Variants in PDE10A observed in about 807,000 individuals in gnomAD.
The protein encoded by PDE10A is cAMP and cAMP-inhibited cGMP 3',5'-cyclic phosphodiesterase 10A.
PDE10A carries 39 observed loss-of-function variants against 97.7 expected under a neutral mutation model. The observed-to-expected ratio is 0.40, with a 90% confidence interval of 0.31 to 0.52. PDE10A has a LOEUF of 0.52. Ranked by LOEUF, PDE10A falls within the 20% of genes least tolerant of loss-of-function variation. PDE10A has a pLI of 0.56. For missense variants in PDE10A, 731 were observed against 1,047.8 expected, an observed-to-expected ratio of 0.70 and a Z score of 4.17; for synonymous variants, 371 against 376.8, an observed-to-expected ratio of 0.98 and a Z score of 0.18.
chr6:165,870,099 G>A (rs748581845), intron 1 of PDE10A, among the ~76,000 whole-genome samples: 1 of 151,970 alleles, frequency 6.6e-6, no homozygotes, highest in Non-Finnish European at 1.5e-5. Context: ...AGACAAACAG[G>A]ACTATATAAA....
At chr6:165,955,327 C>T (rs1439060087) in intron 1 of PDE10A, among the ~76,000 whole-genome samples, 1 of 152,210 alleles carries the variant, frequency 6.6e-6, no homozygotes, top group African/African-American at 2.4e-5. Context: ...TCACTTGGAT[C>T]TTTGCGATAA....
intron 1 of PDE10A, among the ~76,000 whole-genome samples, chr6:165,616,446 T>C (rs918255810): frequency 6.6e-6 from 1 of 152,178 alleles, no homozygotes; most frequent in Non-Finnish European, 1.5e-5. Context: ...TTCCTTCAAG[T>C]AGCTGTCACT....
At chr6:165,808,597 G>T (rs976219556) in intron 1 of PDE10A, among the ~76,000 whole-genome samples, 1 of 152,188 alleles carries the variant, frequency 6.6e-6, no homozygotes, top group Non-Finnish European at 1.5e-5. Flanking sequence ...CTGGAATTAT[G>T]CTCTGTGGCG....
At chr6:165,968,548 T>C (rs1164471746) in intron 1 of PDE10A, among the ~76,000 whole-genome samples, 3 of 152,180 alleles carry the variant, frequency 2.0e-5, no homozygotes, top group Admixed American at 6.5e-5. Flanking sequence ...CTCCAAAATT[T>C]TCACCATGTG....
intron 1 of PDE10A, among the ~76,000 whole-genome samples, chr6:165,873,289 T>C (rs1020088949): frequency 6.6e-6 from 1 of 152,166 alleles, no homozygotes; most frequent in Non-Finnish European, 1.5e-5. Flanking sequence ...TCTCAACATA[T>C]CCAAAAACAA....
chr6:165,954,412 A>G (rs2128496051), intron 1 of PDE10A, among the ~76,000 whole-genome samples: 1 of 152,346 alleles, frequency 6.6e-6, no homozygotes, highest in Middle Eastern at 3.4e-3. Flanking sequence ...ACTCACATGG[A>G]CACTTGGTTT....
At chr6:165,422,010 G>C (rs1198312248) in intron 10 of PDE10A, among the ~76,000 whole-genome samples, 1 of 152,038 alleles carries the variant, frequency 6.6e-6, no homozygotes, top group Non-Finnish European at 1.5e-5. Context: ...GTTGCAGTGA[G>C]CAGAGATTGT....
Position 165,328,023 on chromosome 6 carries a change from G to T in PDE10A, c.*5002C>A, listed in dbSNP as rs1013405833. On this transcript the variant is annotated 3_prime_UTR_variant, in exon 22 of 22. Coordinates refer to ENST00000539869, the MANE Select transcript of PDE10A (RefSeq NM_001385079.1). ...ATCTTGTCTTCTCAGAAAGAATGAA[G>T]ATGCTGCATTTGTACAAATTTTGGT... is the stretch of plus-strand genomic sequence containing the variant. 2.6e-5 allele frequency: 4 copies of T among 152,204 alleles called. No individual in the cohort carries two copies. Among genetic ancestry groups the T allele is most frequent in the African/African-American group, 9.6e-5 (4 of 41,456 alleles). 9.4% of individuals were successfully genotyped at this position (152,204 alleles called of 1,614,324 possible). A position where few individuals can be genotyped will look rare whatever the true frequency, so the allele number is the denominator to read the frequency against.
chr6:165,896,474 C>T lies in PDE10A; in HGVS notation c.-615+91055G>A, dbSNP rs1455040759. Reference sequence around the variant, plus strand: ...GTTCAAGTGATTCTCATGCCTCAGCCTCCCAAGCAGCTGGGATTACAGGTG... The same window carrying T: ...GTTCAAGTGATTCTCATGCCTCAGCTTCCCAAGCAGCTGGGATTACAGGTG... On this transcript the variant is annotated intron_variant, in intron 1 of 19. Coordinates refer to the PDE10A transcript ENST00000366882. Among the ~76,000 whole-genome samples the T allele has an allele frequency of 2.6e-5, 4 of 151,506 alleles. No homozygotes were observed. In the East Asian group the frequency reaches 7.8e-4, roughly 29 times the overall value.
chr6:165,733,391 G>A (rs903440), intron 1 of PDE10A, among the ~76,000 whole-genome samples: 21,703 of 152,194 alleles, frequency 0.14, 1,791 homozygotes, highest in South Asian at 0.29. Flanking sequence ...GTAATTTGTG[G>A]TGTGATCCGA....
chr6:165,969,242 C>T (rs1390857027), intron 1 of PDE10A, among the ~76,000 whole-genome samples: 1 of 152,128 alleles, frequency 6.6e-6, no homozygotes, highest in Non-Finnish European at 1.5e-5. Context: ...TACAAATTAG[C>T]TTTCAAACTT....
intron 1 of PDE10A, among the ~76,000 whole-genome samples, chr6:165,708,170 C>T (rs1423965271): frequency 6.6e-6 from 1 of 152,180 alleles, no homozygotes; most frequent in Admixed American, 6.5e-5. Flanking sequence ...CAGGCACCTC[C>T]GGCGGCCACA....
At chr6:165,395,148 A>G (rs1786062591) in intron 15 of PDE10A, 33 bp downstream of exon 15, 1 of 1,402,782 alleles carries the variant, frequency 7.1e-7, no homozygotes, top group East Asian at 2.3e-5. Context: ...GTCACCCAAT[A>G]TTTCAAAAAG....
intron 2 of PDE10A, among the ~76,000 whole-genome samples, chr6:165,499,495 C>T (rs868211018): frequency 1.2e-4 from 19 of 152,302 alleles, no homozygotes; most frequent in Middle Eastern, 3.4e-3. Context: ...TTAACACCAT[C>T]CTACTTCTTC....
intron 1 of PDE10A, among the ~76,000 whole-genome samples, chr6:165,914,475 T>C (rs1429233453): frequency 6.6e-6 from 1 of 152,178 alleles, no homozygotes; most frequent in African/African-American, 2.4e-5. Flanking sequence ...CGTTATCCCA[T>C]GGAGACTTTT....
intron 1 of PDE10A, among the ~76,000 whole-genome samples, chr6:165,802,886 G>C (rs1249047058): frequency 6.6e-6 from 1 of 152,174 alleles, no homozygotes; most frequent in Non-Finnish European, 1.5e-5. Flanking sequence ...TAAGTGCCTT[G>C]CTGTAGCACT....
intron 2 of PDE10A, among the ~76,000 whole-genome samples, chr6:165,528,794 T>G (rs1438329881): frequency 6.6e-6 from 1 of 152,200 alleles, no homozygotes; most frequent in Non-Finnish European, 1.5e-5. Context: ...GCAGCTGGAT[T>G]GATAGAACAG....
intron 1 of PDE10A, among the ~76,000 whole-genome samples, chr6:165,841,416 G>A (rs1445694670): frequency 6.6e-6 from 1 of 152,232 alleles, no homozygotes; most frequent in Non-Finnish European, 1.5e-5. Context: ...TCTTGGTGTG[G>A]ATGTTGCAGT....
intron 1 of PDE10A, among the ~76,000 whole-genome samples, chr6:165,571,786 G>A (rs1407350925): frequency 6.6e-6 from 1 of 152,162 alleles, no homozygotes; most frequent in Non-Finnish European, 1.5e-5. Flanking sequence ...TACTTCAAAA[G>A]TTTCTATTCA....
Sources: allele counts gnomAD v4.1 joint callset (sites outside exome capture counted in the v4.1 genomes callset), GRCh38; gene constraint gnomAD v4.1.1; transcripts MANE v1.5; gene names NCBI Gene and HGNC (gene_info 2026-07-23, HGNC 2026-07-21).